DOCK3: variants seen among roughly 807,000 people sequenced by gnomAD.
DOCK3 encodes dedicator of cytokinesis protein 3.
DOCK3 carries 60 observed loss-of-function variants against 265.6 expected under a neutral mutation model. That is an observed-to-expected ratio of 0.23 (90% CI 0.18 to 0.28). The LOEUF (loss-of-function observed/expected upper bound fraction) is 0.28, where lower values mean the gene tolerates loss of function less well. Among genes scored for constraint, DOCK3 ranks in the 10% least tolerant of loss-of-function variants. DOCK3 has a pLI of 1.00. For synonymous variants in DOCK3, 881 were observed against 938.0 expected (o/e 0.94, Z 1.11); for missense variants, 1,981 against 2,594.3 (o/e 0.76, Z 5.14).
chr3:50,832,830 C>G (rs1213435760), intron 2 of DOCK3, among the ~76,000 whole-genome samples: 1 of 152,082 alleles, frequency 6.6e-6, no homozygotes, highest in Non-Finnish European at 1.5e-5. Flanking sequence ...CTCTTGTATT[C>G]AGGTTTGAGA....
chr3:51,136,940 TGAAAA>T (rs936818224), intron 9 of DOCK3, among the ~76,000 whole-genome samples: 7 of 151,972 alleles, frequency 4.6e-5, no homozygotes, highest in Non-Finnish European at 8.8e-5. Flanking sequence ...AAGGTTCTGT[TGAAAA>T]GAAGAGAAAA....
chr3:50,822,184 C>T (rs569611036), intron 2 of DOCK3, among the ~76,000 whole-genome samples: 1 of 152,042 alleles, frequency 6.6e-6, no homozygotes, highest in East Asian at 1.9e-4. Flanking sequence ...TTCTTTCAGC[C>T]GTATTTTGTA....
intron 5 of DOCK3, among the ~76,000 whole-genome samples, chr3:50,971,523 T>TG (rs1373579431): frequency 1.3e-5 from 2 of 152,142 alleles, no homozygotes; most frequent in African/African-American, 4.8e-5. Context: ...CACTCCCTCT[T>TG]GCGGGACCAG....
chr3:50,960,548 G>T (rs1236466115), intron 5 of DOCK3, among the ~76,000 whole-genome samples: 3 of 151,818 alleles, frequency 2.0e-5, no homozygotes, highest in Non-Finnish European at 2.9e-5. Flanking sequence ...CCATTAGGTT[G>T]TTTGTCTTAG....
intron 2 of DOCK3, among the ~76,000 whole-genome samples, chr3:50,816,045 G>C (rs74584837): frequency 6.6e-6 from 1 of 151,076 alleles, no homozygotes; most frequent in African/African-American, 2.4e-5. Flanking sequence ...TTTTTTTTTA[G>C]ATCTGTCTGC....
intron 5 of DOCK3, among the ~76,000 whole-genome samples, chr3:51,048,573 C>A (rs1283649083): frequency 6.6e-6 from 1 of 152,158 alleles, no homozygotes; most frequent in East Asian, 1.9e-4. Context: ...TAAATAATTT[C>A]ATGCAGGAAA....
At position 51,348,887 on chromosome 3, in the gene DOCK3, G is replaced by C; in HGVS notation, c.3951G>C (p.Leu1317=). 2 of 1,585,734 alleles carry C rather than the reference G, an allele frequency of 1.3e-6. No individual in the cohort carries two copies. Among genetic ancestry groups the C allele is most frequent in the Non-Finnish European group, 8.6e-7 (1 of 1,165,826 alleles). ...TTGGGATCCCACTGTGCAGGGAGCT[G>C]GCGTGTCAGTACGAGAGCCTCTATG... The part of the protein sequence containing the change: ...WEFGIPLCRE[L]ACQYESLYDY... Residue 1317 remains leucine, a synonymous_variant, in exon 39 of 53, where the codon CTG becomes CTC. Coordinates refer to ENST00000266037, the MANE Select transcript of DOCK3 (RefSeq NM_004947.5).
At chr3:51,344,746 G>A (rs1360024879) in intron 38 of DOCK3, among the ~76,000 whole-genome samples, 2 of 152,200 alleles carry the variant, frequency 1.3e-5, no homozygotes, top group Non-Finnish European at 2.9e-5. Flanking sequence ...AGATGTGGAT[G>A]GGGATGCATT....
chr3:50,809,932 GAGTTTGAGA>G (rs2043641138), intron 2 of DOCK3, among the ~76,000 whole-genome samples: 1 of 152,110 alleles, frequency 6.6e-6, no homozygotes, highest in Admixed American at 6.5e-5. Flanking sequence ...TTGAGGCCAG[GAGTTTGAGA>G]ACAACCTGGG....
chr3:51,092,634 G>A (rs186478388), intron 9 of DOCK3, among the ~76,000 whole-genome samples: 106 of 151,398 alleles, frequency 7.0e-4, no homozygotes, highest in African/African-American at 2.4e-3. Flanking sequence ...GAGAGCAGCG[G>A]ACCTCCTAGC....
intron 3 of DOCK3, among the ~76,000 whole-genome samples, chr3:50,848,578 T>A (rs1003835402): frequency 2.6e-5 from 4 of 152,220 alleles, no homozygotes; most frequent in Non-Finnish European, 5.9e-5. Flanking sequence ...AAATTCTTGG[T>A]TGGAATTTCT....
intron 52 of DOCK3, 23 bp downstream of exon 52, chr3:51,380,230 C>T: frequency 6.2e-7 from 1 of 1,604,384 alleles, no homozygotes; most frequent in Admixed American, 1.7e-5. Context: ...AGCGGCAGCC[C>T]CACCAGGCTG....
At chr3:50,734,246 T>C (rs1052391461) in intron 1 of DOCK3, among the ~76,000 whole-genome samples, 5 of 152,216 alleles carry the variant, frequency 3.3e-5, no homozygotes, top group Non-Finnish European at 7.3e-5. Flanking sequence ...TAGTGACTCA[T>C]GCCTGTAATC....
intron 5 of DOCK3, among the ~76,000 whole-genome samples, chr3:51,034,190 C>T (rs971369725): frequency 6.6e-6 from 1 of 152,060 alleles, no homozygotes; most frequent in Non-Finnish European, 1.5e-5. Flanking sequence ...AAGTACATCT[C>T]TTATAGGTGG....
chr3:51,262,775 A>G (rs1307282233), intron 23 of DOCK3, among the ~76,000 whole-genome samples: 3 of 152,242 alleles, frequency 2.0e-5, no homozygotes, highest in Non-Finnish European at 4.4e-5. Flanking sequence ...TGAAGCATAC[A>G]GAAGTATCAA....
chr3:50,891,855 C>T (rs1427623991), intron 4 of DOCK3, among the ~76,000 whole-genome samples: 3 of 151,980 alleles, frequency 2.0e-5, no homozygotes, highest in South Asian at 2.1e-4. Flanking sequence ...TCATATGTCC[C>T]ATTTATAATA....
chr3:51,068,467 G>A (rs1294072802), intron 6 of DOCK3, among the ~76,000 whole-genome samples: 2 of 149,452 alleles, frequency 1.3e-5, no homozygotes, highest in Non-Finnish European at 3.0e-5. Context: ...GTGAACCCAG[G>A]AGGCGGAGCT....
intron 5 of DOCK3, among the ~76,000 whole-genome samples, chr3:51,006,664 T>A (rs950720496): frequency 6.6e-6 from 1 of 152,202 alleles, no homozygotes; most frequent in African/African-American, 2.4e-5. Flanking sequence ...AGGGTACACA[T>A]GCACGACGTG....
At chr3:50,990,308 T>A (rs1220466751) in intron 5 of DOCK3, among the ~76,000 whole-genome samples, 1 of 152,032 alleles carries the variant, frequency 6.6e-6, no homozygotes, top group African/African-American at 2.4e-5. Flanking sequence ...TACAGATAAC[T>A]CCTGCAAGTT....
Sources: gnomAD v4.1 joint callset for allele counts (sites outside exome capture counted in the v4.1 genomes callset) on GRCh38, gnomAD v4.1.1 for gene constraint, MANE v1.5 for transcripts, NCBI Gene and HGNC (gene_info 2026-07-23, HGNC 2026-07-21) for gene names.